HMCN1: variants seen among roughly 807,000 people sequenced by gnomAD.
HMCN1 encodes hemicentin 1, also known as hemicentin-1.
In HMCN1, 321 loss-of-function variants were observed where a neutral mutation model predicts 625.9. That is an observed-to-expected ratio of 0.51 (90% CI 0.47 to 0.56). The LOEUF is 0.56. Ranked by LOEUF, HMCN1 falls within the 20% of genes least tolerant of loss-of-function variation. The pLI, the probability that HMCN1 is intolerant of heterozygous loss-of-function variation, is 0.00. For missense variants in HMCN1, 6,588 were observed against 6,887.3 expected (o/e 0.96, Z 1.54); for synonymous variants, 2,425 against 2,417.6 (o/e 1.00, Z -0.09).
intron 6 of HMCN1, among the ~76,000 whole-genome samples, chr1:185,912,453 G>T (rs543596426): frequency 6.6e-5 from 10 of 151,984 alleles, no homozygotes; most frequent in African/African-American, 2.4e-4. Flanking sequence ...TTGTATTTTG[G>T]CAGTACGGAG....
chr1:186,118,412 G>C (rs10157924), intron 77 of HMCN1, among the ~76,000 whole-genome samples: 97,115 of 152,070 alleles, frequency 0.64, 33,105 homozygotes, highest in African/African-American at 0.9. Context: ...GGTAGCAATT[G>C]AAATCATAAA....
intron 64 of HMCN1, among the ~76,000 whole-genome samples, chr1:186,092,769 C>T (rs773463442): frequency 3.3e-5 from 5 of 151,874 alleles, no homozygotes; most frequent in Non-Finnish European, 5.9e-5. Context: ...TATTAAGTTG[C>T]TTATAACTAG....
intron 1 of HMCN1, among the ~76,000 whole-genome samples, chr1:185,835,874 A>G (rs949358039): frequency 9.2e-5 from 14 of 152,176 alleles, no homozygotes; most frequent in Non-Finnish European, 5.9e-5. Context: ...GGTAGATTTC[A>G]GTGTTAGAAG....
chr1:186,140,648 C>A (rs1021862467), intron 89 of HMCN1, among the ~76,000 whole-genome samples: 1 of 152,134 alleles, frequency 6.6e-6, no homozygotes, highest in Non-Finnish European at 1.5e-5. Flanking sequence ...ATCAACCTTT[C>A]ACCCACTAGT....
chr1:186,156,418 T>C (rs184229608), intron 97 of HMCN1, among the ~76,000 whole-genome samples: 1 of 152,142 alleles, frequency 6.6e-6, no homozygotes, highest in Admixed American at 6.5e-5. Context: ...TAATGACAAA[T>C]GTGAAGAAAC....
At position 185,958,833 on chromosome 1, in the gene HMCN1, A is replaced by G. The variant is rs373571890; in HGVS notation, c.1829-3685A>G. The stretch of plus-strand genomic sequence containing the variant: ...TTGTAAAATGGCAGTAACACTTGCT[A>G]CATAGTATTATTGTGGAAAATAAAT... On this transcript the variant is annotated intron_variant, in intron 11 of 106. Coordinates refer to ENST00000271588, the MANE Select transcript of HMCN1 (RefSeq NM_031935.3). 1.6e-4 allele frequency among the ~76,000 whole-genome samples: 25 copies of G among 152,320 alleles called. 1 individual carries two copies. In the South Asian group the frequency reaches 5.0e-3, roughly 30 times the overall value.
At chr1:185,981,137 C>A in intron 17 of HMCN1, 64 bp downstream of exon 17, 1 of 963,734 alleles carries the variant, frequency 1.0e-6, no homozygotes, top group Non-Finnish European at 1.7e-6. Context: ...TTTACTATGT[C>A]ATCTCTTGCC....
intron 97 of HMCN1, among the ~76,000 whole-genome samples, chr1:186,164,843 T>A (rs1651777390): frequency 6.6e-6 from 1 of 152,218 alleles, no homozygotes; most frequent in Non-Finnish European, 1.5e-5. Context: ...CCCTTTTTAG[T>A]TATCACATAA....
intron 14 of HMCN1, among the ~76,000 whole-genome samples, chr1:185,967,029 A>G (rs924842303): frequency 1.3e-5 from 2 of 152,172 alleles, no homozygotes; most frequent in Non-Finnish European, 2.9e-5. Flanking sequence ...AACATAAACT[A>G]ATTTTACTTT....
At chr1:185,911,451 G>C (rs1368019627) in intron 5 of HMCN1, among the ~76,000 whole-genome samples, 1 of 152,140 alleles carries the variant, frequency 6.6e-6, no homozygotes, top group Admixed American at 6.5e-5. Context: ...ATGGGTATAA[G>C]TGTCAATCAG....
chr1:186,127,778 T>C (rs535875922), intron 82 of HMCN1, among the ~76,000 whole-genome samples: 1 of 152,280 alleles, frequency 6.6e-6, no homozygotes, highest in East Asian at 1.9e-4. Context: ...TGCTCTTTAT[T>C]TGTGCAATGC....
At chr1:185,747,785 C>T (rs529037648) in intron 1 of HMCN1, among the ~76,000 whole-genome samples, 3 of 152,136 alleles carry the variant, frequency 2.0e-5, no homozygotes, top group African/African-American at 7.2e-5. Flanking sequence ...GCTTTCTTTT[C>T]TTCAAAACGT....
At chr1:185,854,062 G>A (rs1325888720) in intron 2 of HMCN1, among the ~76,000 whole-genome samples, 1 of 152,182 alleles carries the variant, frequency 6.6e-6, no homozygotes, top group African/African-American at 2.4e-5. Flanking sequence ...GTTTTTAGGT[G>A]ATGGTAAGGA....
rs1571338781 is a variant in HMCN1, at chr1:186,090,744, T to G, written c.9728-14T>G. The G allele has an allele frequency of 6.2e-7, 1 of 1,611,892 alleles. No homozygotes were observed. The highest frequency in any genetic ancestry group is 2.2e-5 in the East Asian group (1 of 44,794). ...TGTGTCTTGTTAATGAAATTCCTAA[T>G]TATTTCTCCAAAGTTCCTCCAAGTG... On this transcript the variant is annotated splice_polypyrimidine_tract_variant and intron_variant, in intron 63 of 106. Transcript: ENST00000271588.
chr1:185,920,431 TTTG>T (rs907379547), intron 6 of HMCN1, among the ~76,000 whole-genome samples: 2 of 152,186 alleles, frequency 1.3e-5, no homozygotes, highest in East Asian at 3.9e-4. Flanking sequence ...ATTAAGATAT[TTTG>T]TTATTTATTA....
At chr1:186,156,525 G>A (rs1488546006) in intron 97 of HMCN1, among the ~76,000 whole-genome samples, 1 of 152,160 alleles carries the variant, frequency 6.6e-6, no homozygotes, top group South Asian at 2.1e-4. Context: ...GAGGTATGGG[G>A]AAGTGAACAC....
intron 1 of HMCN1, among the ~76,000 whole-genome samples, chr1:185,837,297 A>C (rs1353473274): frequency 1.3e-5 from 2 of 151,964 alleles, no homozygotes; most frequent in African/African-American, 4.8e-5. Flanking sequence ...AATCTTTCAA[A>C]AAAGTTTTCT....
At chr1:186,159,748 C>T (rs1481754083) in intron 97 of HMCN1, among the ~76,000 whole-genome samples, 1 of 152,298 alleles carries the variant, frequency 6.6e-6, no homozygotes, top group East Asian at 1.9e-4. Flanking sequence ...ATTGAACCAG[C>T]CTTGCATCCC....
Position 186,189,563 on chromosome 1 carries a change from A to C in HMCN1, c.16593A>C (p.Pro5531=), listed in dbSNP as rs758026177. ...ATGATTTGGAATGTGCCTTGAGCCCATATGCCTTGGAATACAAACTCGTCT... is the reference window on the plus strand; with the variant it reads ...ATGATTTGGAATGTGCCTTGAGCCCCTATGCCTTGGAATACAAACTCGTCT... The part of the protein sequence containing the change: ...PPNDLECALS[P]YALEYKLVSL... The change falls in exon 107 of 107, where the codon CCA becomes CCC. Residue 5531 remains proline, a synonymous_variant. Coordinates refer to ENST00000271588, the MANE Select transcript of HMCN1 (RefSeq NM_031935.3). 11 of 1,613,688 alleles carry C rather than the reference A, an allele frequency of 6.8e-6. No individual in the cohort carries two copies. The highest frequency in any genetic ancestry group is 9.3e-6 in the Non-Finnish European group (11 of 1,179,778).
Sources: allele counts gnomAD v4.1 joint callset (sites outside exome capture counted in the v4.1 genomes callset), GRCh38; gene constraint gnomAD v4.1.1; transcripts MANE v1.5; gene names NCBI Gene and HGNC (gene_info 2026-07-23, HGNC 2026-07-21).